The following XIRP2 variants were observed in gnomAD, a reference collection of about 807,000 sequenced individuals.
The protein encoded by XIRP2 is xin actin-binding repeat-containing protein 2.
Under a neutral mutation model 277.0 loss-of-function variants are expected in XIRP2, and 236 were observed. That is an observed-to-expected ratio of 0.85 (90% CI 0.77 to 0.95). XIRP2 has a LOEUF of 0.95. Ranked by LOEUF, XIRP2 falls within the 40% of genes least tolerant of loss-of-function variation. The pLI is 0.00. For missense variants in XIRP2, 4,640 were observed against 4,157.5 expected (o/e 1.12, Z -3.19); for synonymous variants, 1,490 against 1,416.5 (o/e 1.05, Z -1.17).
At chr2:166,912,790 G>C (rs978716034) in intron 2 of XIRP2, among the ~76,000 whole-genome samples, 18 of 152,098 alleles carry the variant, frequency 1.2e-4, no homozygotes, top group African/African-American at 3.9e-4. Flanking sequence ...ATTTGGTGTG[G>C]ATGTCCTTTC....
At chr2:167,229,586 C>A (rs1381420631) in intron 5 of XIRP2, among the ~76,000 whole-genome samples, 1 of 152,056 alleles carries the variant, frequency 6.6e-6, no homozygotes, top group Non-Finnish European at 1.5e-5. Context: ...GTATAATTAG[C>A]TCTTTCTGCT....
intron 3 of XIRP2, among the ~76,000 whole-genome samples, chr2:167,189,235 G>T (rs1331211669): frequency 2.0e-5 from 3 of 152,044 alleles, no homozygotes; most frequent in Admixed American, 6.6e-5. Context: ...ATATATTTCT[G>T]TCTCTCTCTT....
At chr2:167,189,831 G>C (rs974775167) in intron 3 of XIRP2, among the ~76,000 whole-genome samples, 1 of 152,058 alleles carries the variant, frequency 6.6e-6, no homozygotes, top group East Asian at 1.9e-4. Flanking sequence ...TCCAGGACTC[G>C]GCAAAGACTC....
chr2:167,240,141 C>T (rs1325750582), intron 6 of XIRP2, among the ~76,000 whole-genome samples, 176 bp downstream of exon 6: 2 of 151,852 alleles, frequency 1.3e-5, no homozygotes, highest in Admixed American at 1.3e-4. Context: ...GGGCCAGGCG[C>T]GGTGGCTTGC....
At chr2:167,067,704 G>A (rs2105246808) in intron 2 of XIRP2, among the ~76,000 whole-genome samples, 1 of 152,280 alleles carries the variant, frequency 6.6e-6, no homozygotes, top group Admixed American at 6.5e-5. Context: ...GCTGATACTA[G>A]CTCGATGCAG....
At chr2:167,192,176 GTTATA>G (rs1189594395) in intron 3 of XIRP2, among the ~76,000 whole-genome samples, 2 of 151,892 alleles carry the variant, frequency 1.3e-5, no homozygotes, top group Non-Finnish European at 2.9e-5. Context: ...ACTATACTAT[GTTATA>G]TTATTTTTAA....
At chr2:167,079,379 A>G (rs1249966528) in intron 2 of XIRP2, among the ~76,000 whole-genome samples, 1 of 152,160 alleles carries the variant, frequency 6.6e-6, no homozygotes, top group South Asian at 2.1e-4. Context: ...CCCCCGCTCA[A>G]TTTTTTAGAA....
At chr2:167,143,318 A>G (rs770135506) in intron 3 of XIRP2, among the ~76,000 whole-genome samples, 2 of 152,156 alleles carry the variant, frequency 1.3e-5, no homozygotes, top group Non-Finnish European at 2.9e-5. Context: ...GGAAGCAACT[A>G]CTTATGTCCG....
intron 2 of XIRP2, among the ~76,000 whole-genome samples, chr2:166,925,598 T>TATATATATATATATATATATATAC (rs1685164437): frequency 2.7e-5 from 1 of 37,362 alleles, no homozygotes; most frequent in Non-Finnish European, 4.4e-5. Flanking sequence ...TGTATATACA[T>TATATATATATATATATATATATAC]ATATATATAT....
intron 5 of XIRP2, among the ~76,000 whole-genome samples, chr2:167,235,787 T>G (rs754729721): frequency 4.0e-5 from 6 of 151,860 alleles, no homozygotes; most frequent in Non-Finnish European, 5.9e-5. Context: ...GATGTCAAGT[T>G]GCATATTGTA....
At chr2:167,002,429 T>A (rs1687397925) in intron 2 of XIRP2, among the ~76,000 whole-genome samples, 1 of 151,982 alleles carries the variant, frequency 6.6e-6, no homozygotes, top group Non-Finnish European at 1.5e-5. Flanking sequence ...GTGTCTAACA[T>A]GATTATGGTG....
intron 2 of XIRP2, among the ~76,000 whole-genome samples, chr2:167,023,441 CAGA>C (rs1688047631): frequency 6.6e-6 from 1 of 151,858 alleles, no homozygotes; most frequent in South Asian, 2.1e-4. Context: ...TTTTGCTGTG[CAGA>C]AGCTCTTTAG....
intron 1 of XIRP2, among the ~76,000 whole-genome samples, chr2:166,890,957 G>A (rs1301908060): frequency 1.3e-5 from 2 of 152,112 alleles, no homozygotes; most frequent in Non-Finnish European, 2.9e-5. Flanking sequence ...AGGGGTTATG[G>A]TTGAGGGTGC....
intron 2 of XIRP2, among the ~76,000 whole-genome samples, chr2:167,000,582 G>A (rs1687339382): frequency 6.6e-6 from 1 of 150,806 alleles, no homozygotes; most frequent in South Asian, 2.1e-4. Flanking sequence ...AAAAAAACAT[G>A]TTTCTTTTGT....
intron 2 of XIRP2, among the ~76,000 whole-genome samples, chr2:167,047,446 T>G (rs1399905457): frequency 6.6e-6 from 1 of 151,086 alleles, no homozygotes; most frequent in Non-Finnish European, 1.5e-5. Context: ...TCTGAAAAAA[T>G]GGAGACATAT....
intron 2 of XIRP2, among the ~76,000 whole-genome samples, chr2:166,933,956 C>T (rs1164248110): frequency 6.6e-6 from 1 of 151,590 alleles, no homozygotes; most frequent in East Asian, 1.9e-4. Flanking sequence ...TGGAAGGACA[C>T]ACGTTAAAAA....
rs184561408 is a variant in XIRP2, at chr2:167,126,494, T to C, written c.409-9415T>C. Among the ~76,000 whole-genome samples the C allele has an allele frequency of 1.6e-4, 25 of 152,306 alleles. No homozygotes were observed. In the East Asian group the frequency reaches 4.8e-3, roughly 29 times the overall value. On this transcript the variant is annotated intron_variant, in intron 2 of 10. Transcript: ENST00000409195. Reference sequence around the variant, plus strand: ...GCATACAGATGAGGAAACTGTCCTATGAAAGTACTGTAAAAATTGGTGGGG... The same window carrying C: ...GCATACAGATGAGGAAACTGTCCTACGAAAGTACTGTAAAAATTGGTGGGG...
At chr2:167,061,647 C>T (rs1459516324) in intron 2 of XIRP2, among the ~76,000 whole-genome samples, 1 of 151,792 alleles carries the variant, frequency 6.6e-6, no homozygotes, top group African/African-American at 2.4e-5. Flanking sequence ...TTAGAGTAGA[C>T]CTTATTACAA....
chr2:167,147,460 C>T (rs945109697), intron 3 of XIRP2, among the ~76,000 whole-genome samples: 2 of 152,104 alleles, frequency 1.3e-5, no homozygotes, highest in African/African-American at 4.8e-5. Context: ...GGCCTTGGAC[C>T]ATGCTGTATC....
Sources: allele counts gnomAD v4.1 joint callset (sites outside exome capture counted in the v4.1 genomes callset), GRCh38; gene constraint gnomAD v4.1.1; transcripts MANE v1.5; gene names NCBI Gene and HGNC (gene_info 2026-07-23, HGNC 2026-07-21).